PEX14: variants seen among roughly 807,000 people sequenced by gnomAD.
PEX14 encodes the protein peroxisomal membrane protein PEX14.
A neutral mutation model predicts 49.5 loss-of-function variants in PEX14; 15 were observed. The observed-to-expected ratio is 0.30, with a 90% CI of 0.20 to 0.47. The LOEUF is 0.47. PEX14 is among the 20% of genes least tolerant of loss of function. PEX14 has a pLI of 1.00. For missense variants in PEX14, 398 were observed against 494.8 expected (o/e 0.80, Z 1.86); for synonymous variants, 210 against 212.7 (o/e 0.99, Z 0.11).
In PEX14 at chr1:10,557,300, G is replaced by A. The variant is rs546491463; in HGVS notation, c.169+21003G>A. ...ACCTTTGTGGGGTAAAAACCTCAGA[G>A]TTAGGCTGGGTGCAATGGCTCACGC... On this transcript the variant is annotated intron_variant, in intron 3 of 8. Transcript: ENST00000356607. Among the ~76,000 whole-genome samples the A allele has an allele frequency of 2.6e-5, 4 of 152,304 alleles. No homozygotes were observed. The South Asian group carries it at 8.3e-4, about 32-fold the overall frequency.
chr1:10,629,734 G>A lies in PEX14; in HGVS notation c.881G>A (p.Gly294Asp), dbSNP rs1386505247. ...TCCACGGTCACCTACCACTTGCTGGGCCCCCAGGAGGAAGGCGAGGGGGTG... is the reference window on the plus strand; with the variant it reads ...TCCACGGTCACCTACCACTTGCTGGACCCCCAGGAGGAAGGCGAGGGGGTG... ...EGSTVTYHLL[G>D]PQEEGEGVVD... The change falls in exon 9 of 9, where the codon GGC becomes GAC. Residue 294 changes from glycine to aspartate, a missense_variant. Physicochemically the swap from Gly to Asp is moderately conservative, Grantham distance 94. Transcript: ENST00000356607. This position sits in a 1 kb window ranked among gnomAD's most constrained non-coding sequence, Gnocchi z 8.5. 1 of 1,597,772 alleles carries A rather than the reference G, an allele frequency of 6.3e-7. No individual in the cohort carries two copies.
intron 2 of PEX14, among the ~76,000 whole-genome samples, chr1:10,500,246 A>G (rs1641648546): frequency 6.6e-6 from 1 of 151,516 alleles, no homozygotes. Context: ...CTACTTAAAA[A>G]AAAAAAAAAA....
chr1:10,499,688 C>G (rs1281490912), intron 2 of PEX14, among the ~76,000 whole-genome samples: 1 of 152,118 alleles, frequency 6.6e-6, no homozygotes, highest in Non-Finnish European at 1.5e-5. Context: ...ACCTTGTGAT[C>G]TGCCCACCTT....
At chr1:10,499,804 C>T (rs1392194386) in intron 2 of PEX14, among the ~76,000 whole-genome samples, 1 of 152,046 alleles carries the variant, frequency 6.6e-6, no homozygotes, top group Admixed American at 6.5e-5. Flanking sequence ...TCACCTTTTT[C>T]TGGGATTACT....
intron 2 of PEX14, among the ~76,000 whole-genome samples, chr1:10,507,336 CG>C (rs1316593181): frequency 1.3e-5 from 2 of 152,264 alleles, no homozygotes; most frequent in Non-Finnish European, 2.9e-5. Context: ...GCTGCACAAA[CG>C]TATCTTCAGC....
chr1:10,618,773 C>T (rs948410830), intron 5 of PEX14, among the ~76,000 whole-genome samples: 6 of 152,212 alleles, frequency 3.9e-5, no homozygotes, highest in African/African-American at 1.4e-4. Flanking sequence ...AACATAATGG[C>T]GAAGAGCATG....
intron 7 of PEX14, among the ~76,000 whole-genome samples, chr1:10,625,709 A>G (rs1279465389): frequency 1.3e-5 from 2 of 152,206 alleles, no homozygotes; most frequent in Non-Finnish European, 2.9e-5. Context: ...GGGTCAGGTC[A>G]TCTTTTGGAT....
intron 3 of PEX14, among the ~76,000 whole-genome samples, chr1:10,582,669 A>C (rs904535450): frequency 6.6e-6 from 1 of 152,170 alleles, no homozygotes; most frequent in African/African-American, 2.4e-5. Flanking sequence ...TCAGGGGCTG[A>C]TGAATAAACT....
At chr1:10,519,846 G>A (rs943636739) in intron 2 of PEX14, among the ~76,000 whole-genome samples, 3 of 151,908 alleles carry the variant, frequency 2.0e-5, no homozygotes, top group South Asian at 2.1e-4. Context: ...GTGCAAACAC[G>A]GCTTACTGCA....
At position 10,512,887 on chromosome 1, in the gene PEX14, T is replaced by C. The variant is rs965768366; in HGVS notation, c.84+17566T>C. Among the ~76,000 whole-genome samples, 2 of 152,086 alleles carry C rather than the reference T, an allele frequency of 1.3e-5. No individual in the cohort carries two copies. The highest frequency in any genetic ancestry group is 4.8e-5 in the African/African-American group (2 of 41,414). On this transcript the variant is annotated intron_variant, in intron 2 of 8. Coordinates refer to ENST00000356607, the MANE Select transcript of PEX14 (RefSeq NM_004565.3). This position sits in a 1 kb window ranked among gnomAD's most constrained non-coding sequence, Gnocchi z 4.6. ...TAATTTTTTGTATTTTTAGTAGAGA[T>C]GAGGTTTCATCGTGTTAGCTGGGAT...
In PEX14 at chr1:10,477,681, C is replaced by T. The variant is rs527302947; in HGVS notation, c.36+2679C>T. 1.3e-4 allele frequency among the ~76,000 whole-genome samples: 20 copies of T among 152,254 alleles called. No homozygotes were observed. In the South Asian group the frequency reaches 3.9e-3, roughly 30 times the overall value. ...ATTAAAGGTGAATAACCTTCTCTTC[C>T]CTTGAGAGGCAGTGTAGAATAGCGG... is the stretch of plus-strand genomic sequence containing the variant. On this transcript the variant is annotated intron_variant, in intron 1 of 8. Coordinates refer to ENST00000356607, the MANE Select transcript of PEX14 (RefSeq NM_004565.3).
At chr1:10,568,323 T>C (rs1279473870) in intron 3 of PEX14, among the ~76,000 whole-genome samples, 2 of 118,760 alleles carry the variant, frequency 1.7e-5, no homozygotes, top group African/African-American at 7.5e-5. Flanking sequence ...TAGATACTCT[T>C]CCCCCCCCCC....
chr1:10,570,780 T>C (rs2124548962), intron 3 of PEX14, among the ~76,000 whole-genome samples: 1 of 151,484 alleles, frequency 6.6e-6, no homozygotes. Context: ...ATGACAAAAA[T>C]CAACCAGAAG....
intron 5 of PEX14, 97 bp downstream of exon 5, chr1:10,618,514 C>G (rs1276323404): frequency 2.1e-6 from 2 of 955,104 alleles, no homozygotes; most frequent in African/African-American, 3.2e-5. Context: ...CACTGCCGTG[C>G]TCTGCCCTGG....
At chr1:10,521,183 C>A (rs1638281385) in intron 2 of PEX14, among the ~76,000 whole-genome samples, 1 of 151,002 alleles carries the variant, frequency 6.6e-6, no homozygotes, top group East Asian at 1.9e-4. Flanking sequence ...CTCTCCTTTT[C>A]TTTTCTTTTT....
chr1:10,499,496 T>C (rs1641629943), intron 2 of PEX14, among the ~76,000 whole-genome samples: 3 of 146,256 alleles, frequency 2.1e-5, no homozygotes, highest in South Asian at 2.2e-4. Flanking sequence ...TCACCCAGGC[T>C]GGAGTGCAGT....
intron 3 of PEX14, among the ~76,000 whole-genome samples, chr1:10,553,509 A>G (rs1639394598): frequency 1.3e-5 from 2 of 152,190 alleles, no homozygotes; most frequent in South Asian, 4.1e-4. Flanking sequence ...TGACACCGAC[A>G]TTGTTAAGTG....
At chr1:10,482,966 G>C (rs1245449820) in intron 1 of PEX14, among the ~76,000 whole-genome samples, 1 of 152,152 alleles carries the variant, frequency 6.6e-6, no homozygotes, top group African/African-American at 2.4e-5. Flanking sequence ...CTTACATTTA[G>C]ATCCGGGTTA....
At chr1:10,616,616 G>A (rs1641426989) in intron 4 of PEX14, among the ~76,000 whole-genome samples, 1 of 152,172 alleles carries the variant, frequency 6.6e-6, no homozygotes, top group Non-Finnish European at 1.5e-5. Flanking sequence ...TCGGGGGGAG[G>A]CAGAGCACCC....
Sources: allele counts gnomAD v4.1 joint callset (sites outside exome capture counted in the v4.1 genomes callset), GRCh38; gene constraint gnomAD v4.1.1; non-coding constraint Gnocchi (gnomAD v3.1); transcripts MANE v1.5; gene names NCBI Gene and HGNC (gene_info 2026-07-23, HGNC 2026-07-21).